ANKAR: variants seen among roughly 807,000 people sequenced by gnomAD.
ANKAR encodes the protein ankyrin and armadillo repeat containing, also known as ankyrin and armadillo repeat-containing protein.
Under a neutral mutation model 146.2 loss-of-function variants are expected in ANKAR, and 136 were observed. That is an observed-to-expected ratio of 0.93 (90% confidence interval 0.81 to 1.07). ANKAR has a LOEUF of 1.07. Among genes scored for constraint, ANKAR ranks in the 50% least tolerant of loss-of-function variants. The probability of loss-of-function intolerance (pLI) is 0.00; values close to 1 mark genes in which losing one functional copy is unlikely to be tolerated. For synonymous variants in ANKAR, 500 were observed against 575.8 expected (o/e 0.87, Z 1.88); for missense variants, 1,567 against 1,679.9 (o/e 0.93, Z 1.18).
chr2:189,698,268 C>T (rs2037535606), intron 7 of ANKAR, among the ~76,000 whole-genome samples: 1 of 152,090 alleles, frequency 6.6e-6, no homozygotes, highest in East Asian at 1.9e-4. Flanking sequence ...TTACTTTCTA[C>T]TCATAGTTAT....
At chr2:189,742,263 G>C (rs1318904973) in intron 20 of ANKAR, among the ~76,000 whole-genome samples, 3 of 152,160 alleles carry the variant, frequency 2.0e-5, no homozygotes, top group African/African-American at 7.2e-5. Flanking sequence ...CTGAACTACA[G>C]GTCCAGGGTT....
Position 189,676,769 on chromosome 2 carries a change from CCT to C in ANKAR, c.282_283del (p.Leu95ArgfsTer3). The C allele has an allele frequency of 6.2e-7, 1 of 1,614,130 alleles. No individual in the cohort carries two copies. Among genetic ancestry groups the C allele is most frequent in the Non-Finnish European group, 8.5e-7 (1 of 1,180,020 alleles). ...TACTGACTCCCGTGGACCCTACTGC[CCT>C]CTTAGACTATAGAGAGGTCCATCAA... The part of the protein sequence containing the change: ...ILLTPVDPTA[L>X]LDYREVHQMI... On this transcript the variant is annotated frameshift_variant, in exon 2 of 23. Transcript: ENST00000684021. LOFTEE classifies it high-confidence loss of function.
At position 189,692,400 on chromosome 2, in the gene ANKAR, T is replaced by C; in HGVS notation, c.1185T>C (p.Asn395=). 1.2e-6 allele frequency: 2 copies of C among 1,611,502 alleles called. No homozygotes were observed. Among genetic ancestry groups the C allele is most frequent in the Non-Finnish European group, 1.7e-6 (2 of 1,179,296 alleles). ...EFDISTPSIE[N]ALEDFQKNLE... is the part of the protein sequence containing the mutation. ...ATATCAGCACCCCTTCAATTGAGAA[T>C]GCCTTGGAAGATTTTCAGGTTTAAA... Residue 395 remains asparagine, a synonymous_variant, in exon 4 of 23, where the codon AAT becomes AAC. Transcript: ENST00000684021.
rs1553537043 is a variant in ANKAR, at chr2:189,745,027, C to CTAATAA, written c.4057+242_4057+247dup. On this transcript the variant is annotated intron_variant, in intron 22 of 22. Transcript: ENST00000684021. ...ACTACTACTACTACTACTACTACTA[C>CTAATAA]TAATAATACAAAAATTAGCCAGGCA... 2.1e-4 allele frequency among the ~76,000 whole-genome samples: 27 copies of CTAATAA among 131,088 alleles called. 1 individual carries two copies. The highest frequency in any genetic ancestry group is 4.2e-4 in the African/African-American group (15 of 35,832). The allele number at this position is 131,088 out of a possible 152,430, so 86.0% of individuals were successfully genotyped here.
Position 189,743,360 on chromosome 2 carries a change from A to G in ANKAR, c.3896A>G (p.Lys1299Arg). The change falls in exon 21 of 23, where the codon AAA (lysine) becomes AGA (arginine). Residue 1299 changes from lysine (K) to arginine (R), a missense_variant. By Grantham distance (26) the Lys-to-Arg change is conservative. Coordinates refer to ENST00000684021, the MANE Select transcript of ANKAR (RefSeq NM_001378068.1). ...ATCCTATTAAAAGAATGCAGGAATA[A>G]ACCTAATCAGTTCATTCGTATAAAA... ...FRILLKECRN[K>R]PNQFIRIKNN... The G allele has an allele frequency of 6.2e-7, 1 of 1,614,040 alleles. No individual in the cohort carries two copies. Among genetic ancestry groups the G allele is most frequent in the Non-Finnish European group, 8.5e-7 (1 of 1,179,954 alleles).
At position 189,720,745 on chromosome 2, in the gene ANKAR, A is replaced by C. The variant is rs777089877; in HGVS notation, c.2593A>C (p.Lys865Gln). The stretch of plus-strand genomic sequence containing the variant: ...CAATCAAAGAGCTGTGAGAGAACAT[A>C]AAGGCCTCCCATATCTTATCAGATT... ...ENNQRAVREH[K>Q]GLPYLIRFLS... The change falls in exon 12 of 23, where the codon AAA (lysine) becomes CAA (glutamine). Residue 865 changes from lysine (K) to glutamine (Q), a missense_variant. Coordinates refer to ENST00000684021, the MANE Select transcript of ANKAR (RefSeq NM_001378068.1). 27 of 1,516,996 alleles carry C rather than the reference A, an allele frequency of 1.8e-5. No individual in the cohort carries two copies. In the African/African-American group the frequency reaches 3.7e-4, roughly 21 times the overall value. The allele number at this position is 1,516,996 out of a possible 1,614,324, so 94.0% of individuals were successfully genotyped here. A position where few individuals can be genotyped will look rare whatever the true frequency, so the allele number is the denominator to read the frequency against.
intron 17 of ANKAR, among the ~76,000 whole-genome samples, chr2:189,737,031 G>A (rs752135709): frequency 6.7e-6 from 1 of 149,918 alleles, no homozygotes; most frequent in Non-Finnish European, 1.5e-5. Flanking sequence ...CCAAGATCAC[G>A]CCACTGCACT....
chr2:189,718,818 C>T (rs1390284728), intron 10 of ANKAR, among the ~76,000 whole-genome samples: 1 of 149,454 alleles, frequency 6.7e-6, no homozygotes, highest in African/African-American at 2.5e-5. Flanking sequence ...GGCGCAATCT[C>T]GGCTCACTGC....
rs377206917 is a variant in ANKAR at position 189,707,118 on chromosome 2, T to C, written c.2091T>C (p.Pro697=). ...VLKYIIKLNI[P]ELPVWKTLVE... The stretch of plus-strand genomic sequence containing the variant: ...AATATATAATAAAATTAAATATTCC[T>C]GAACTCCCAGTGTGGAAAACTTTGG... The change falls in exon 9 of 23, where the codon CCT becomes CCC. Residue 697 remains proline, a synonymous_variant. Transcript: ENST00000684021. 2 of 1,556,020 alleles carry C rather than the reference T, an allele frequency of 1.3e-6. No individual in the cohort carries two copies. The highest frequency in any genetic ancestry group is 2.8e-5 in the African/African-American group (2 of 72,576).
chr2:189,720,769 T>C lies in ANKAR; in HGVS notation c.2617T>C (p.Phe873Leu). ...TAAAGGCCTCCCATATCTTATCAGA[T>C]TTCTGAGTTCTGATTCAGGTGAGCT... Reference protein sequence around the residue: ...EHKGLPYLIRFLSSDSDVLKA... With the variant: ...EHKGLPYLIRLLSSDSDVLKA... The change falls in exon 12 of 23, where the codon TTT becomes CTT. Residue 873 changes from phenylalanine to leucine, a missense_variant. Phe to Leu is a conservative substitution (Grantham distance 22, BLOSUM62 0). Coordinates refer to ENST00000684021, the MANE Select transcript of ANKAR (RefSeq NM_001378068.1). 1 of 1,495,136 alleles carries C rather than the reference T, an allele frequency of 6.7e-7. No homozygotes were observed. Among genetic ancestry groups the C allele is most frequent in the African/African-American group, 1.4e-5 (1 of 69,284 alleles). The allele number at this position is 1,495,136 out of a possible 1,614,324, so 92.6% of individuals were successfully genotyped here.
rs574387659 is a variant in ANKAR, at chr2:189,695,015, T to A, written c.1342T>A (p.Tyr448Asn). 1 of 1,558,634 alleles carries A rather than the reference T, an allele frequency of 6.4e-7. No homozygotes were observed. Among genetic ancestry groups the A allele is most frequent in the South Asian group, 1.3e-5 (1 of 78,198 alleles). The change falls in exon 6 of 23, where the codon TAT (tyrosine) becomes AAT (asparagine). Residue 448 changes from tyrosine (Y) to asparagine (N), a missense_variant. Tyr to Asn is a moderately radical substitution (Grantham distance 143). Coordinates refer to ENST00000684021, the MANE Select transcript of ANKAR (RefSeq NM_001378068.1). ...YVIYFELETF[Y>N]QQLYKTQWWG... ...GATCTATTTTGAACTAGAAACTTTC[T>A]ATCAGCAACTATATAAGACACAGTG... is the stretch of plus-strand genomic sequence containing the variant.
chr2:189,713,328 AG>A (rs1442662319), intron 10 of ANKAR, among the ~76,000 whole-genome samples: 1 of 152,206 alleles, frequency 6.6e-6, no homozygotes, highest in African/African-American at 2.4e-5. Context: ...AGATTCACCA[AG>A]GTTGAAATGA....
downstream of ANKAR, chr2:189,746,725 T>C: frequency 7.7e-7 from 1 of 1,290,862 alleles, no homozygotes; most frequent in African/African-American, 1.5e-5. Flanking sequence ...GAATAATCTT[T>C]TTGAATGAAA....
At chr2:189,752,698 C>T in intron 18 of ANKAR, 1 of 1,613,824 alleles carries the variant, frequency 6.2e-7, no homozygotes, top group Non-Finnish European at 8.5e-7. Context: ...AATGCCCAAG[C>T]CAGCACGTAG....
At chr2:189,754,831 T>C (rs2045852743) in intron 18 of ANKAR, 1 of 281,418 alleles carries the variant, frequency 3.6e-6, no homozygotes, top group Non-Finnish European at 6.6e-6. Flanking sequence ...AATGTCCTTA[T>C]GTTAATCTAT....
At chr2:189,754,362 T>A in intron 18 of ANKAR, 4 of 1,571,250 alleles carry the variant, frequency 2.5e-6, no homozygotes, top group Non-Finnish European at 2.6e-6. Flanking sequence ...AAGAAACATA[T>A]TTTTTAGAGT....
At chr2:189,705,356 G>C (rs2038787358) in intron 8 of ANKAR, 132 bp downstream of exon 8, 3 of 885,798 alleles carry the variant, frequency 3.4e-6, no homozygotes, top group Middle Eastern at 3.6e-4. Flanking sequence ...CCACTAAAAG[G>C]TGATAGGTGT....
At chr2:189,754,324 T>A in intron 18 of ANKAR, 1 of 1,607,520 alleles carries the variant, frequency 6.2e-7, no homozygotes, top group Non-Finnish European at 8.5e-7. Flanking sequence ...GGATGTTTTA[T>A]TAAAGAAAGT....
At chr2:189,747,615 G>T (rs960317088), downstream of ANKAR, among the ~76,000 whole-genome samples, 2 of 152,136 alleles carry the variant, frequency 1.3e-5, no homozygotes, top group East Asian at 3.8e-4. Context: ...AGCAATGTCT[G>T]CTTCTCCTAT....
Sources: gnomAD v4.1 joint callset for allele counts (sites outside exome capture counted in the v4.1 genomes callset) on GRCh38, gnomAD v4.1.1 for gene constraint, MANE v1.5 for transcripts, NCBI Gene and HGNC (gene_info 2026-07-23, HGNC 2026-07-21) for gene names.